Variants in GABBR2 observed in about 807,000 individuals in gnomAD.
The protein encoded by GABBR2 is gamma-aminobutyric acid type B receptor subunit 2, also known as G-protein coupled receptor 51.
A neutral mutation model predicts 105.6 loss-of-function variants in GABBR2; 23 were observed. The ratio of observed to expected loss-of-function variants is 0.22; its 90% CI spans 0.16 to 0.31. The LOEUF (loss-of-function observed/expected upper bound fraction) is 0.31, where lower values mean the gene tolerates loss of function less well. Among genes scored for constraint, GABBR2 ranks in the 10% least tolerant of loss-of-function variants. GABBR2 has a pLI of 1.00. For missense variants in GABBR2, 734 were observed against 1,245.5 expected (o/e 0.59, Z 6.18); for synonymous variants, 478 against 499.7 (o/e 0.96, Z 0.58).
chr9:98,323,721 T>C (rs900125639), intron 13 of GABBR2, among the ~76,000 whole-genome samples: 3 of 152,210 alleles, frequency 2.0e-5, no homozygotes, highest in Non-Finnish European at 1.5e-5. Flanking sequence ...AGCCCTGGCA[T>C]GGCCGTGCAG....
At position 98,676,470 on chromosome 9, in the gene GABBR2, C is replaced by T. The variant is rs1830478795; in HGVS notation, c.321+31947G>A. Reference sequence around the variant, plus strand: ...CTAGCTAGAGATTAAATGTAACCAGCTTCCTTTGCAGCTAGGTATGACTAT... The same window carrying T: ...CTAGCTAGAGATTAAATGTAACCAGTTTCCTTTGCAGCTAGGTATGACTAT... On this transcript the variant is annotated intron_variant, in intron 1 of 18. Coordinates refer to ENST00000259455, the MANE Select transcript of GABBR2 (RefSeq NM_005458.8). Among the ~76,000 whole-genome samples, 5 of 152,228 alleles carry T rather than the reference C, an allele frequency of 3.3e-5. No individual in the cohort carries two copies. In the South Asian group the frequency reaches 1.0e-3, roughly 32 times the overall value.
intron 13 of GABBR2, among the ~76,000 whole-genome samples, chr9:98,353,708 G>A (rs757256481): frequency 3.9e-5 from 6 of 152,138 alleles, no homozygotes; most frequent in African/African-American, 1.2e-4. Context: ...CAGGTGATAT[G>A]GTTTGGCTGT....
At chr9:98,497,425 A>AT (rs1827303761) in intron 3 of GABBR2, among the ~76,000 whole-genome samples, 2 of 130,750 alleles carry the variant, frequency 1.5e-5, no homozygotes, top group Non-Finnish European at 3.5e-5. Flanking sequence ...ACTATTTTGA[A>AT]TTAAAAAAAA....
intron 13 of GABBR2, among the ~76,000 whole-genome samples, chr9:98,345,836 A>G (rs1373817412): frequency 6.6e-6 from 1 of 152,258 alleles, no homozygotes; most frequent in Non-Finnish European, 1.5e-5. Context: ...GTTAGATTCC[A>G]GACCACTGCA....
chr9:98,702,477 T>A (rs1370141953), intron 1 of GABBR2, among the ~76,000 whole-genome samples: 6 of 152,142 alleles, frequency 3.9e-5, no homozygotes, highest in Non-Finnish European at 5.9e-5. Context: ...CTCTACATGC[T>A]CACCAGCCTT....
In GABBR2 at chr9:98,449,384, G is replaced by A. The variant is rs142546265; in HGVS notation, c.1236+4597C>T. Among the ~76,000 whole-genome samples, 315 of 152,218 alleles carry A rather than the reference G, an allele frequency of 2.1e-3. 2 individuals are homozygous for A. Among genetic ancestry groups the A allele is most frequent in the African/African-American group, 6.9e-3 (285 of 41,534 alleles). On this transcript the variant is annotated intron_variant, in intron 7 of 18. Coordinates refer to ENST00000259455, the MANE Select transcript of GABBR2 (RefSeq NM_005458.8). ...TCTCTATACTCCATACACCCAGTGC[G>A]GGGCTTGCTAGAGGAGTGAATGAAT...
intron 1 of GABBR2, among the ~76,000 whole-genome samples, chr9:98,641,328 G>A (rs1472555454): frequency 4.0e-5 from 6 of 150,022 alleles, no homozygotes; most frequent in Non-Finnish European, 8.9e-5. Context: ...AGTAGAGACA[G>A]GGTTTCACCA....
chr9:98,371,439 C>A, intron 12 of GABBR2, 25 bp downstream of exon 12: 1 of 1,179,328 alleles, frequency 8.5e-7, no homozygotes, highest in Non-Finnish European at 1.3e-6. Flanking sequence ...CTACTAATAC[C>A]CTGAAACAGA....
At chr9:98,551,193 G>A (rs1235041797) in intron 2 of GABBR2, among the ~76,000 whole-genome samples, 1 of 152,018 alleles carries the variant, frequency 6.6e-6, no homozygotes, top group Non-Finnish European at 1.5e-5. Context: ...ACTTGAGGTC[G>A]GCAATTTGTG....
chr9:98,310,017 G>A (rs1230345188), intron 14 of GABBR2, among the ~76,000 whole-genome samples: 1 of 152,110 alleles, frequency 6.6e-6, no homozygotes, highest in African/African-American at 2.4e-5. Flanking sequence ...TTCATTTTTG[G>A]CCTCTAAGTG....
intron 12 of GABBR2, among the ~76,000 whole-genome samples, chr9:98,367,641 A>C (rs1009208428): frequency 2.0e-5 from 3 of 152,216 alleles, no homozygotes; most frequent in Non-Finnish European, 4.4e-5. Flanking sequence ...AAAATGATGA[A>C]GGCTGGATGA....
chr9:98,603,597 T>C (rs780163799), intron 1 of GABBR2, among the ~76,000 whole-genome samples: 3 of 152,212 alleles, frequency 2.0e-5, no homozygotes, highest in Non-Finnish European at 4.4e-5. Flanking sequence ...CTCTGATTTT[T>C]GCCTCCCACC....
At chr9:98,535,944 C>T (rs867986446) in intron 3 of GABBR2, among the ~76,000 whole-genome samples, 32 of 152,080 alleles carry the variant, frequency 2.1e-4, no homozygotes, top group African/African-American at 7.7e-4. Context: ...ATTCAATATA[C>T]CCCACCAAGA....
At chr9:98,318,799 T>A (rs1260908256) in intron 13 of GABBR2, among the ~76,000 whole-genome samples, 1 of 152,184 alleles carries the variant, frequency 6.6e-6, no homozygotes, top group Non-Finnish European at 1.5e-5. Context: ...TCTTTTCTTT[T>A]TTCAAATTCC....
intron 1 of GABBR2, among the ~76,000 whole-genome samples, chr9:98,626,928 C>T (rs1026879777): frequency 6.6e-6 from 1 of 152,160 alleles, no homozygotes; most frequent in Admixed American, 6.5e-5. Context: ...TTCTAAGACA[C>T]CATTGACATC....
At chr9:98,691,674 C>A (rs1041755605) in intron 1 of GABBR2, among the ~76,000 whole-genome samples, 3 of 152,328 alleles carry the variant, frequency 2.0e-5, no homozygotes, top group Admixed American at 1.3e-4. Context: ...TGCGGTCAGT[C>A]ACCTATGTGC....
intron 1 of GABBR2, among the ~76,000 whole-genome samples, chr9:98,671,630 C>G (rs768376033): frequency 3.9e-5 from 6 of 152,206 alleles, no homozygotes; most frequent in Non-Finnish European, 8.8e-5. Context: ...CGGTTCCAGT[C>G]TCTCTACATC....
intron 6 of GABBR2, among the ~76,000 whole-genome samples, chr9:98,470,553 A>T (rs992648238): frequency 6.6e-6 from 1 of 152,216 alleles, no homozygotes; most frequent in East Asian, 1.9e-4. Context: ...TGGGAGTACA[A>T]TTCAAGACAA....
Position 98,580,513 on chromosome 9 carries a change from C to T in GABBR2, c.322-2441G>A, listed in dbSNP as rs377689739. ...TTCAGTAAGATCTGTTGGGGCCAGGCGCGAAGGCTCACGCCCGTAATCCTA... is the reference window on the plus strand; with the variant it reads ...TTCAGTAAGATCTGTTGGGGCCAGGTGCGAAGGCTCACGCCCGTAATCCTA... On this transcript the variant is annotated intron_variant, in intron 1 of 18. Coordinates refer to ENST00000259455, the MANE Select transcript of GABBR2 (RefSeq NM_005458.8). 2.8e-4 allele frequency among the ~76,000 whole-genome samples: 42 copies of T among 152,284 alleles called. 1 individual carries two copies. Among genetic ancestry groups the T allele is most frequent in the Admixed American group, 1.0e-3 (16 of 15,288 alleles).
Sources: allele counts gnomAD v4.1 joint callset (sites outside exome capture counted in the v4.1 genomes callset), GRCh38; gene constraint gnomAD v4.1.1; transcripts MANE v1.5; gene names NCBI Gene and HGNC (gene_info 2026-07-23, HGNC 2026-07-21).